Variants in ZNF608 observed in about 807,000 individuals in gnomAD.
ZNF608 encodes zinc finger protein 608.
Under a neutral mutation model 109.0 loss-of-function variants are expected in ZNF608, and 12 were observed. The ratio of observed to expected loss-of-function variants is 0.11; its 90% CI spans 0.07 to 0.18. ZNF608 has a LOEUF of 0.18. Ranked by LOEUF, ZNF608 falls within the 10% of genes least tolerant of loss-of-function variation. The probability of loss-of-function intolerance (pLI) is 1.00; values close to 1 mark genes in which losing one functional copy is unlikely to be tolerated. For missense variants in ZNF608, 1,707 were observed against 1,879.3 expected, an observed-to-expected ratio of 0.91 and a Z score of 1.70; for synonymous variants, 732 against 717.4, an observed-to-expected ratio of 1.02 and a Z score of -0.33.
chr5:124,708,888 A>G (rs79430557), intron 2 of ZNF608: 85,887 of 425,032 alleles, frequency 0.2, 9,639 homozygotes, highest in Admixed American at 0.32. Context: ...CCAAAAATCC[A>G]AGGCCCGGTG....
chr5:124,723,621 G>C (rs1009845810), intron 2 of ZNF608, among the ~76,000 whole-genome samples: 5 of 152,180 alleles, frequency 3.3e-5, no homozygotes, highest in African/African-American at 1.2e-4. Context: ...CCAGGAGGCA[G>C]AGGTTGCAAT....
intron 3 of ZNF608, among the ~76,000 whole-genome samples, chr5:124,669,286 G>A (rs1751615786): frequency 6.6e-6 from 1 of 152,132 alleles, no homozygotes. Context: ...TGCTCTACTT[G>A]CTTCATTTTA....
intron 8 of ZNF608, among the ~76,000 whole-genome samples, chr5:124,640,226 G>A (rs1379587922): frequency 6.6e-6 from 1 of 152,166 alleles, no homozygotes; most frequent in African/African-American, 2.4e-5. Context: ...CTTGGCAAGT[G>A]CAATAGACTA....
intron 2 of ZNF608, among the ~76,000 whole-genome samples, chr5:124,742,700 T>C (rs143539292): frequency 6.6e-6 from 1 of 152,332 alleles, no homozygotes; most frequent in Non-Finnish European, 1.5e-5. Context: ...ATCTACACCT[T>C]AATGTGCCTC....
chr5:124,745,260 G>T (rs1184265348), intron 1 of ZNF608, 88 bp from the exon 2 acceptor site: 1 of 1,187,574 alleles, frequency 8.4e-7, no homozygotes, highest in Non-Finnish European at 1.1e-6. Flanking sequence ...CAGTAAAGGG[G>T]ACAGGGAAGG....
At chr5:124,678,994 A>G (rs1752079089) in intron 3 of ZNF608, among the ~76,000 whole-genome samples, 1 of 152,190 alleles carries the variant, frequency 6.6e-6, no homozygotes, top group Admixed American at 6.5e-5. Flanking sequence ...GAGCAAGAAA[A>G]CAATTCCACT....
chr5:124,704,585 G>GT (rs1554089754), intron 2 of ZNF608, among the ~76,000 whole-genome samples: 4 of 151,932 alleles, frequency 2.6e-5, no homozygotes, highest in African/African-American at 7.3e-5. Flanking sequence ...AAACATTCCA[G>GT]TTTTTTTTAG....
chr5:124,689,329 G>A (rs1240067281), intron 3 of ZNF608, among the ~76,000 whole-genome samples: 5 of 152,046 alleles, frequency 3.3e-5, no homozygotes, highest in Non-Finnish European at 7.4e-5. Context: ...CACACCACCT[G>A]TAGTCCCAGC....
At chr5:124,712,496 C>T (rs1011977766) in intron 2 of ZNF608, among the ~76,000 whole-genome samples, 16 of 152,116 alleles carry the variant, frequency 1.1e-4, no homozygotes, top group African/African-American at 3.9e-4. Flanking sequence ...ACCCTGTAGA[C>T]CCCAATAGTG....
chr5:124,653,366 A>AG, intron 3 of ZNF608, among the ~76,000 whole-genome samples: 1 of 152,196 alleles, frequency 6.6e-6, no homozygotes, highest in Non-Finnish European at 1.5e-5. Flanking sequence ...TCCTTTGTAA[A>AG]GGGTTTCCAG....
intron 2 of ZNF608, among the ~76,000 whole-genome samples, chr5:124,727,714 G>A (rs1341430989): frequency 9.2e-6 from 1 of 108,176 alleles, no homozygotes; most frequent in African/African-American, 3.5e-5. Flanking sequence ...GTTGTATCTT[G>A]TTGCCAGCTC....
chr5:124,724,922 C>G (rs12658704), intron 2 of ZNF608, among the ~76,000 whole-genome samples: 8,278 of 152,142 alleles, frequency 0.054, 369 homozygotes, highest in East Asian at 0.16. Context: ...CTGCGCAAAG[C>G]CCCCCAGTCT....
rs199699487 is a variant in ZNF608 at position 124,721,941 on chromosome 5, CAAAAAAAAAAAAAA to C, written c.907-20686_907-20673del. 0.012 allele frequency among the ~76,000 whole-genome samples: 252 copies of C among 20,812 alleles called. 5 individuals are homozygous for C. The Middle Eastern group carries it at 0.25, about 21-fold the overall frequency. 13.7% of individuals were successfully genotyped at this position (20,812 alleles called of 152,430 possible). On this transcript the variant is annotated intron_variant, in intron 2 of 9. Coordinates refer to ENST00000513986, the MANE Select transcript of ZNF608 (RefSeq NM_020747.3). Reference sequence around the variant, plus strand: ...TGGGCGACAGAATGAGACTCTGTCTCAAAAAAAAAAAAAAAAAAAAAAAAAAAAAAAGAACTCAA... The same window carrying C: ...TGGGCGACAGAATGAGACTCTGTCTCAAAAAAAAAAAAAAAAAGAACTCAA...
chr5:124,743,854 AAGC>A (rs144751589), intron 2 of ZNF608, among the ~76,000 whole-genome samples: 35 of 151,288 alleles, frequency 2.3e-4, no homozygotes, highest in Admixed American at 5.3e-4. Flanking sequence ...CTAGCATCAC[AAGC>A]AGCAGCAGCA....
chr5:124,654,518 G>C (rs186967195), intron 3 of ZNF608, among the ~76,000 whole-genome samples: 125 of 152,200 alleles, frequency 8.2e-4, no homozygotes, highest in African/African-American at 2.6e-3. Context: ...CTAGACACAC[G>C]CATACCAGGC....
At chr5:124,699,633 A>G (rs1322034474) in intron 3 of ZNF608, among the ~76,000 whole-genome samples, 2 of 152,210 alleles carry the variant, frequency 1.3e-5, no homozygotes, top group Admixed American at 6.5e-5. Context: ...TTATTTAACT[A>G]CGAAACATAT....
intron 3 of ZNF608, among the ~76,000 whole-genome samples, chr5:124,652,647 G>T (rs1321636808): frequency 6.6e-6 from 1 of 152,206 alleles, no homozygotes; most frequent in Non-Finnish European, 1.5e-5. Flanking sequence ...TTGTAAGAAG[G>T]TCTATGTTTA....
intron 3 of ZNF608, among the ~76,000 whole-genome samples, chr5:124,658,864 T>A (rs1266670321): frequency 6.6e-6 from 1 of 152,220 alleles, no homozygotes; most frequent in African/African-American, 2.4e-5. Flanking sequence ...GGGAAAGGTA[T>A]TTTGTAATTA....
chr5:124,693,951 G>A (rs1752719457), intron 3 of ZNF608, among the ~76,000 whole-genome samples: 1 of 116,340 alleles, frequency 8.6e-6, no homozygotes, highest in Admixed American at 9.1e-5. Context: ...ATTTTTCTGT[G>A]AAGCTGGTAA....
Sources: gnomAD v4.1 joint callset for allele counts (sites outside exome capture counted in the v4.1 genomes callset) on GRCh38, gnomAD v4.1.1 for gene constraint, MANE v1.5 for transcripts, NCBI Gene and HGNC (gene_info 2026-07-23, HGNC 2026-07-21) for gene names.